Variants in FBXW10 observed in about 807,000 individuals in gnomAD.
FBXW10 encodes F-box/WD repeat-containing protein 10.
In FBXW10, 68 loss-of-function variants were observed where a neutral mutation model predicts 113.1. The observed-to-expected ratio is 0.60, with a 90% confidence interval of 0.49 to 0.74. FBXW10 has a LOEUF of 0.74. Among genes scored for constraint, FBXW10 ranks in the 30% least tolerant of loss-of-function variants. The pLI is 0.00. For missense variants in FBXW10, 753 were observed against 1,284.5 expected (o/e 0.59, Z 6.32); for synonymous variants, 289 against 481.6 (o/e 0.60, Z 5.24).
rs376804860 is a variant in FBXW10, at chr17:18,772,651, G to T, written c.2246G>T (p.Arg749Leu). 2 of 1,612,814 alleles carry T rather than the reference G, an allele frequency of 1.2e-6. No individual in the cohort carries two copies. The highest frequency in any genetic ancestry group is 1.7e-6 in the Non-Finnish European group (2 of 1,179,750). The part of the protein sequence containing the change: ...ELLPGKPPKS[R>L]VLLKPAKFSS... The stretch of plus-strand genomic sequence containing the variant: ...CTACCAGGCAAACCTCCCAAGTCCC[G>T]AGTACTCCTGAAGCCGGCCAAGTTC... The change falls in exon 12 of 14, where the codon CGA (arginine) becomes CTA (leucine). Residue 749 changes from arginine (R) to leucine (L), a missense_variant. By Grantham distance (102) the Arg-to-Leu change is moderately radical. Coordinates refer to ENST00000395665, the MANE Select transcript of FBXW10 (RefSeq NM_001267585.2).
intron 1 of FBXW10, among the ~76,000 whole-genome samples, chr17:18,747,138 G>A (rs1253787356): frequency 6.6e-6 from 1 of 151,976 alleles, no homozygotes; most frequent in Admixed American, 6.6e-5. Flanking sequence ...GTGTTAGCCC[G>A]GATGGTCTCC....
At position 18,747,932 on chromosome 17, in the gene FBXW10, G is replaced by C; in HGVS notation, c.506-9G>C. ...AAGAGCAACCTTGTCTTGGTCTTCT[G>C]TGTTTCAGGGCTCAATCAAGACATC... On this transcript the variant is annotated splice_polypyrimidine_tract_variant and intron_variant, in intron 1 of 13. Transcript: ENST00000395665. 6.2e-7 allele frequency: 1 copy of C among 1,613,812 alleles called. No homozygotes were observed. The highest frequency in any genetic ancestry group is 8.5e-7 in the Non-Finnish European group (1 of 1,179,826).
At position 18,778,639 on chromosome 17, in the gene FBXW10, C is replaced by A. The variant is rs200062063; in HGVS notation, c.2500C>A (p.Pro834Thr). Residue 834 changes from proline (P) to threonine (T), a missense_variant, in exon 14 of 14, where the codon CCC becomes ACC. Transcript: ENST00000395665. ...HAHNSGEFAYPCRPQTEITDV... is the reference protein window; with the variant it reads ...HAHNSGEFAYTCRPQTEITDV... ...CCATAATTCCGGGGAATTTGCCTAT[C>A]CCTGTAGGCCCCAAACAGAAATTAC... The A allele has an allele frequency of 2.5e-4, 402 of 1,613,840 alleles. 2 individuals carry two copies. The highest frequency in any genetic ancestry group is 6.1e-5 in the Non-Finnish European group (72 of 1,179,854).
chr17:18,770,921 T>C (rs2035599374), intron 11 of FBXW10, among the ~76,000 whole-genome samples: 1 of 152,078 alleles, frequency 6.6e-6, no homozygotes, highest in South Asian at 2.1e-4. Context: ...AGGGTGCTAT[T>C]ATATGAAAAT....
At chr17:18,776,061 G>A (rs1199263344) in intron 13 of FBXW10, among the ~76,000 whole-genome samples, 1 of 151,648 alleles carries the variant, frequency 6.6e-6, no homozygotes, top group Non-Finnish European at 1.5e-5. Context: ...GCTCACACCT[G>A]TAATCCCAGT....
At chr17:18,751,224 CTTTT>C (rs11331150) in intron 5 of FBXW10, among the ~76,000 whole-genome samples, 171 bp downstream of exon 5, 3 of 140,130 alleles carry the variant, frequency 2.1e-5, no homozygotes, top group Admixed American at 7.2e-5. Flanking sequence ...GACACTTCCT[CTTTT>C]TTTTTTTTTT....
chr17:18,746,254 A>G (rs1264602086), intron 1 of FBXW10, among the ~76,000 whole-genome samples: 5 of 152,314 alleles, frequency 3.3e-5, no homozygotes, highest in South Asian at 2.1e-4. Flanking sequence ...ACATTTCAAC[A>G]TGAGATTTGG....
chr17:18,747,070 G>T (rs2151785519), intron 1 of FBXW10, among the ~76,000 whole-genome samples: 1 of 152,018 alleles, frequency 6.6e-6, no homozygotes, highest in East Asian at 1.9e-4. Context: ...GACTACAGGT[G>T]CCCGCCACCA....
At chr17:18,760,928 T>G (rs2151810479) in intron 7 of FBXW10, among the ~76,000 whole-genome samples, 1 of 152,352 alleles carries the variant, frequency 6.6e-6, no homozygotes, top group South Asian at 2.1e-4. Context: ...TTTTATCTTT[T>G]GCATTCAGTT....
In FBXW10 at chr17:18,750,022, G is replaced by C; in HGVS notation, c.884G>C (p.Arg295Thr). 1 of 1,613,950 alleles carries C rather than the reference G, an allele frequency of 6.2e-7. No individual in the cohort carries two copies. Among genetic ancestry groups the C allele is most frequent in the Non-Finnish European group, 8.5e-7 (1 of 1,180,018 alleles). The change falls in exon 4 of 14, where the codon AGA becomes ACA. Residue 295 changes from arginine to threonine, a missense_variant. Transcript: ENST00000395665. ...LSKYILRMLD[R>T]HTLNKCASVS... The stretch of plus-strand genomic sequence containing the variant: ...TTTTTTTTTCCAGGAATGCTGGATA[G>C]ACACACCCTGAACAAGTGCGCCTCT...
chr17:18,760,760 CA>C (rs1444408610), intron 7 of FBXW10, among the ~76,000 whole-genome samples: 1 of 144,192 alleles, frequency 6.9e-6, no homozygotes, highest in East Asian at 2.0e-4. Flanking sequence ...GCCAGGGCAA[CA>C]AGAGCGAAAC....
rs545383638 is a variant in FBXW10, at chr17:18,764,900, C to T, written c.1555+37C>T. 3.1e-6 allele frequency: 5 copies of T among 1,613,670 alleles called. No individual in the cohort carries two copies. In the East Asian group the frequency reaches 6.7e-5, roughly 22 times the overall value. On this transcript the variant is annotated intron_variant, in intron 8 of 13. Coordinates refer to ENST00000395665, the MANE Select transcript of FBXW10 (RefSeq NM_001267585.2). ...GTGCCTTAAATTTTCTAAGAAGTTT[C>T]CCCCGACCCACGGGTTACCAAAATG... is the stretch of plus-strand genomic sequence containing the variant.
At chr17:18,757,791 A>G (rs2035294985) in intron 6 of FBXW10, among the ~76,000 whole-genome samples, 1 of 152,246 alleles carries the variant, frequency 6.6e-6, no homozygotes. Context: ...GTTTTATGGG[A>G]CAATAAGCTC....
At chr17:18,763,991 G>A (rs1448507282) in intron 7 of FBXW10, among the ~76,000 whole-genome samples, 2 of 145,868 alleles carry the variant, frequency 1.4e-5, no homozygotes, top group Non-Finnish European at 3.0e-5. Flanking sequence ...ATTCTTTACT[G>A]TGGGGCCTGC....
chr17:18,768,022 C>CCTTT (rs1300989711), intron 9 of FBXW10, among the ~76,000 whole-genome samples: 1 of 125,538 alleles, frequency 8.0e-6, no homozygotes, highest in Non-Finnish European at 1.7e-5. Flanking sequence ...TTCCTTCCTT[C>CCTTT]CTTTCTTCCT....
At chr17:18,774,711 C>T (rs1352763662) in intron 12 of FBXW10, among the ~76,000 whole-genome samples, 3 of 152,222 alleles carry the variant, frequency 2.0e-5, no homozygotes, top group South Asian at 2.1e-4. Flanking sequence ...AGGAGAATCA[C>T]GTGAACCCAG....
intron 5 of FBXW10, among the ~76,000 whole-genome samples, chr17:18,751,299 C>T (rs1213604866): frequency 2.0e-5 from 3 of 151,330 alleles, no homozygotes; most frequent in East Asian, 1.9e-4. Context: ...AATCTTGGCT[C>T]ACTGCAAGCT....
chr17:18,763,693 C>T (rs2035431435), intron 7 of FBXW10, among the ~76,000 whole-genome samples: 1 of 152,202 alleles, frequency 6.6e-6, no homozygotes, highest in Non-Finnish European at 1.5e-5. Flanking sequence ...TGTTAAAAAA[C>T]AGATAATTCA....
rs1461321346 is a variant in FBXW10 at position 18,758,241 on chromosome 17, A to C, written c.1233-64A>C. ...TGCTGTAGGCAAAAGTCATGGGGCT[A>C]AGTCAGTCCCAGGAGGGACACTGAC... On this transcript the variant is annotated intron_variant, in intron 6 of 13. Transcript: ENST00000395665. The C allele has an allele frequency of 7.0e-6, 9 of 1,289,710 alleles. No homozygotes were observed. The Admixed American group carries it at 2.0e-4, about 28-fold the overall frequency. 79.9% of individuals were successfully genotyped at this position (1,289,710 alleles called of 1,614,324 possible). A position where few individuals can be genotyped will look rare whatever the true frequency, so the allele number is the denominator to read the frequency against.
Sources: allele counts gnomAD v4.1 joint callset (sites outside exome capture counted in the v4.1 genomes callset), GRCh38; gene constraint gnomAD v4.1.1; transcripts MANE v1.5; gene names NCBI Gene and HGNC (gene_info 2026-07-23, HGNC 2026-07-21).